Variants in DYNC1I1 observed in about 807,000 individuals in gnomAD.
The protein encoded by DYNC1I1 is dynein cytoplasmic 1 intermediate chain 1.
DYNC1I1 carries 43 observed loss-of-function variants against 86.6 expected under a neutral mutation model. That is an observed-to-expected ratio of 0.50 (90% CI 0.39 to 0.64). The LOEUF (loss-of-function observed/expected upper bound fraction) is 0.64. DYNC1I1 is among the 30% of genes least tolerant of loss of function. The pLI, the probability that DYNC1I1 is intolerant of heterozygous loss-of-function variation, is 0.00. For missense variants in DYNC1I1, 604 were observed against 788.8 expected (o/e 0.77, Z 2.81); for synonymous variants, 262 against 283.7 (o/e 0.92, Z 0.77).
intron 6 of DYNC1I1, among the ~76,000 whole-genome samples, chr7:95,921,356 G>A (rs1217757948): frequency 6.6e-6 from 1 of 152,102 alleles, no homozygotes; most frequent in African/African-American, 2.4e-5. Flanking sequence ...TCCTAAATAT[G>A]CCATACATCT....
At chr7:95,987,508 A>G (rs1793625542) in intron 9 of DYNC1I1, among the ~76,000 whole-genome samples, 1 of 152,110 alleles carries the variant, frequency 6.6e-6, no homozygotes, top group Non-Finnish European at 1.5e-5. Flanking sequence ...TGCCTATAGA[A>G]ACATCCTCTT....
intron 16 of DYNC1I1, among the ~76,000 whole-genome samples, chr7:96,087,862 T>C (rs1288302040): frequency 6.6e-6 from 1 of 152,222 alleles, no homozygotes; most frequent in Non-Finnish European, 1.5e-5. Flanking sequence ...TATAATTATG[T>C]AAAATAAGCC....
intron 1 of DYNC1I1, among the ~76,000 whole-genome samples, chr7:95,801,132 C>CA (rs1488828723): frequency 6.6e-6 from 1 of 152,238 alleles, no homozygotes; most frequent in Non-Finnish European, 1.5e-5. Flanking sequence ...TGGAATGGAT[C>CA]AAAAAATCAA....
chr7:96,064,747 A>G (rs1451695437), intron 14 of DYNC1I1, among the ~76,000 whole-genome samples: 2 of 152,198 alleles, frequency 1.3e-5, no homozygotes, highest in Admixed American at 1.3e-4. Flanking sequence ...GGCTCTGTTC[A>G]CAGGTGTCAG....
intron 6 of DYNC1I1, among the ~76,000 whole-genome samples, chr7:95,944,109 T>A (rs973025979): frequency 4.3e-4 from 65 of 152,050 alleles, no homozygotes; most frequent in Non-Finnish European, 8.4e-4. Context: ...TGGAGAAAAT[T>A]TTTGCAACCT....
intron 14 of DYNC1I1, among the ~76,000 whole-genome samples, chr7:96,048,879 A>G (rs1350139264): frequency 6.6e-6 from 1 of 152,234 alleles, no homozygotes; most frequent in African/African-American, 2.4e-5. Context: ...GTTACGCTTG[A>G]AACTTGACAA....
At chr7:95,894,012 T>C (rs1790810998) in intron 6 of DYNC1I1, among the ~76,000 whole-genome samples, 1 of 152,184 alleles carries the variant, frequency 6.6e-6, no homozygotes. Flanking sequence ...GAATCTCTGA[T>C]GAAGCCTCTG....
intron 6 of DYNC1I1, among the ~76,000 whole-genome samples, chr7:95,895,435 G>A (rs1478066624): frequency 6.6e-6 from 1 of 152,134 alleles, no homozygotes; most frequent in African/African-American, 2.4e-5. Context: ...ACGAGGATCA[G>A]CTTCGACGAT....
intron 14 of DYNC1I1, among the ~76,000 whole-genome samples, chr7:96,059,257 G>C (rs1193126090): frequency 6.6e-6 from 1 of 151,874 alleles, no homozygotes; most frequent in Non-Finnish European, 1.5e-5. Context: ...CTGGCACTTA[G>C]GAACACTAGA....
intron 6 of DYNC1I1, among the ~76,000 whole-genome samples, chr7:95,918,461 G>A (rs554195078): frequency 3.3e-5 from 5 of 152,216 alleles, no homozygotes; most frequent in East Asian, 1.9e-4. Context: ...CCTTCCTGGC[G>A]GTGGCAAAAC....
intron 10 of DYNC1I1, among the ~76,000 whole-genome samples, chr7:96,024,886 A>G (rs956639379): frequency 2.6e-5 from 4 of 152,146 alleles, no homozygotes; most frequent in African/African-American, 9.7e-5. Flanking sequence ...CAGCAACAGT[A>G]ATGACTAGAT....
At chr7:96,022,991 A>G (rs1794590640) in intron 10 of DYNC1I1, among the ~76,000 whole-genome samples, 1 of 152,096 alleles carries the variant, frequency 6.6e-6, no homozygotes, top group Non-Finnish European at 1.5e-5. Flanking sequence ...CATGTTGCCA[A>G]ATGCCTGGTG....
intron 6 of DYNC1I1, among the ~76,000 whole-genome samples, chr7:95,970,812 G>T (rs1305755470): frequency 6.6e-6 from 1 of 152,146 alleles, no homozygotes; most frequent in Non-Finnish European, 1.5e-5. Context: ...ATTTTACACG[G>T]TATGAGATGT....
At chr7:95,888,506 A>G (rs1790655069) in intron 6 of DYNC1I1, among the ~76,000 whole-genome samples, 1 of 152,152 alleles carries the variant, frequency 6.6e-6, no homozygotes, top group Admixed American at 6.5e-5. Flanking sequence ...GTGAATTCCC[A>G]TCTTGGTTAG....
chr7:96,035,781 A>G, intron 13 of DYNC1I1, 29 bp downstream of exon 13: 3 of 1,607,094 alleles, frequency 1.9e-6, no homozygotes, highest in Non-Finnish European at 1.7e-6. Flanking sequence ...TACTGATGAC[A>G]TGTTCTTCAT....
At chr7:95,949,908 C>G (rs375693110) in intron 6 of DYNC1I1, among the ~76,000 whole-genome samples, 2 of 152,046 alleles carry the variant, frequency 1.3e-5, no homozygotes, top group South Asian at 2.1e-4. Context: ...GTTAGTTTTT[C>G]TTTTGGCCTG....
intron 14 of DYNC1I1, among the ~76,000 whole-genome samples, chr7:96,072,721 CAT>C (rs936978216): frequency 6.6e-6 from 1 of 152,156 alleles, no homozygotes; most frequent in African/African-American, 2.4e-5. Context: ...ATTTATGTCT[CAT>C]AAATTCAAAA....
chr7:96,050,602 T>C (rs973472414), intron 14 of DYNC1I1, among the ~76,000 whole-genome samples: 1 of 152,150 alleles, frequency 6.6e-6, no homozygotes, highest in African/African-American at 2.4e-5. Flanking sequence ...TCCTAAACAA[T>C]ACCCTTTCCC....
intron 5 of DYNC1I1, among the ~76,000 whole-genome samples, chr7:95,833,728 A>C (rs1044578179): frequency 1.0e-4 from 15 of 144,672 alleles, no homozygotes; most frequent in African/African-American, 3.6e-4. Context: ...TTCTCTTTGA[A>C]GCAATTGTGA....
Sources: allele counts gnomAD v4.1 joint callset (sites outside exome capture counted in the v4.1 genomes callset), GRCh38; gene constraint gnomAD v4.1.1; transcripts MANE v1.5; gene names NCBI Gene and HGNC (gene_info 2026-07-23, HGNC 2026-07-21).